The following SGK1 variants were observed in gnomAD, a reference collection of about 807,000 sequenced individuals.
SGK1 encodes the protein serum/glucocorticoid regulated kinase 1, also known as serine/threonine-protein kinase Sgk1.
In SGK1, 26 loss-of-function variants were observed where a neutral mutation model predicts 64.2. The observed-to-expected ratio is 0.40, with a 90% CI of 0.30 to 0.56. The LOEUF is 0.56. Ranked by LOEUF, SGK1 falls within the 20% of genes least tolerant of loss-of-function variation. The pLI is 0.38. For synonymous variants in SGK1, 265 were observed against 239.7 expected (o/e 1.11, Z -0.98); for missense variants, 519 against 645.6 (o/e 0.80, Z 2.12).
intron 1 of SGK1, among the ~76,000 whole-genome samples, chr6:134,305,549 G>A (rs1180968009): frequency 6.7e-6 from 1 of 148,776 alleles, no homozygotes; most frequent in Non-Finnish European, 1.5e-5. Context: ...CCCAAGTCTG[G>A]GTGACAGAGC....
chr6:134,225,941 A>C (rs149115264), intron 2 of SGK1, among the ~76,000 whole-genome samples: 9,895 of 151,596 alleles, frequency 0.065, 383 homozygotes, highest in Non-Finnish European at 0.086. Context: ...AACAAAAAAA[A>C]ACAAAAAAAC....
At chr6:134,311,620 C>T (rs1777609561) in intron 1 of SGK1, among the ~76,000 whole-genome samples, 1 of 152,170 alleles carries the variant, frequency 6.6e-6, no homozygotes, top group Non-Finnish European at 1.5e-5. Context: ...CACTGCACTC[C>T]AGCCTGGGTG....
At chr6:134,198,645 G>A (rs1323858817) in intron 3 of SGK1, among the ~76,000 whole-genome samples, 1 of 149,790 alleles carries the variant, frequency 6.7e-6, no homozygotes, top group South Asian at 2.1e-4. Context: ...TCTACATTTG[G>A]TACATAAACT....
At chr6:134,206,371 ATATATATATATATTTTTTTTTTTTTTT>A (rs1775780187) in intron 3 of SGK1, among the ~76,000 whole-genome samples, 1 of 4,974 alleles carries the variant, frequency 2.0e-4, no homozygotes, top group African/African-American at 4.9e-4. Context: ...ATATATATAT[ATATATATATATATTTTTTTTTTTTTTT>A]TTTTTTTTTA....
chr6:134,178,038 T>C, intron 3 of SGK1: 1 of 550,646 alleles, frequency 1.8e-6, no homozygotes. Context: ...CTGATTATCC[T>C]CACAAATCAG....
intron 2 of SGK1, among the ~76,000 whole-genome samples, chr6:134,254,904 T>C (rs1196578306): frequency 6.6e-6 from 1 of 152,172 alleles, no homozygotes; most frequent in Non-Finnish European, 1.5e-5. Flanking sequence ...GTTTTGCTCT[T>C]GTTGCCCAGG....
rs760123902 is a variant in SGK1 at position 134,173,015 on chromosome 6, CT to C, written c.834+7del. The C allele has an allele frequency of 1.9e-6, 3 of 1,609,580 alleles. No homozygotes were observed. The highest frequency in any genetic ancestry group is 2.2e-5 in the South Asian group (2 of 90,842). ...CACTAAGAGTTGACTTCTATCCCCC[CT>C]GCTCACCTCTCCACCATTAATGTAG... On this transcript the variant is annotated splice_region_variant and intron_variant, in intron 8 of 13. Transcript: ENST00000367858.
At position 134,173,565 on chromosome 6, in the gene SGK1, G is replaced by C. The variant is rs960203849; in HGVS notation, c.515C>G (p.Pro172Arg). Residue 172 changes from proline (P) to arginine (R), a missense_variant and splice_region_variant, in exon 6 of 14, where the codon CCA (proline) becomes CGA (arginine). Physicochemically the swap from Pro to Arg is moderately radical, Grantham distance 103. Transcript: ENST00000367858. ...AAGGTTGATTTGCTGAGAAGGACTT[G>C]GCTAGAAAAAAAAAAAAAGAATTTC... ...ELMNANPSPP[P>R]SPSQQINLGP... is the part of the protein sequence containing the mutation. The C allele has an allele frequency of 4.4e-6, 7 of 1,576,414 alleles. No homozygotes were observed. Among genetic ancestry groups the C allele is most frequent in the African/African-American group, 4.2e-5 (3 of 72,028 alleles).
chr6:134,184,345 A>G (rs991630904), intron 3 of SGK1, among the ~76,000 whole-genome samples: 7 of 151,682 alleles, frequency 4.6e-5, no homozygotes, highest in Non-Finnish European at 1.0e-4. Flanking sequence ...TAAAAAAAAT[A>G]TATACAAAAA....
intron 2 of SGK1, among the ~76,000 whole-genome samples, chr6:134,224,056 T>C (rs1021590678): frequency 1.3e-5 from 2 of 152,214 alleles, no homozygotes; most frequent in Non-Finnish European, 2.9e-5. Context: ...TTTTTTAAGA[T>C]TACATTTGGC....
intron 1 of SGK1, among the ~76,000 whole-genome samples, chr6:134,309,895 T>G (rs1314741099): frequency 6.6e-6 from 1 of 152,154 alleles, no homozygotes; most frequent in Non-Finnish European, 1.5e-5. Context: ...TTAACTAGTA[T>G]GTAAAAAAAA....
chr6:134,188,904 TTTTC>T (rs1359870615), intron 3 of SGK1, among the ~76,000 whole-genome samples: 1 of 128,974 alleles, frequency 7.8e-6, no homozygotes, highest in East Asian at 2.0e-4. Context: ...AGCTATTTCT[TTTTC>T]TTTTTTTTTT....
At chr6:134,299,897 T>C (rs73545109) in intron 1 of SGK1, among the ~76,000 whole-genome samples, 5 of 149,768 alleles carry the variant, frequency 3.3e-5, no homozygotes, top group Non-Finnish European at 7.4e-5. Context: ...AAGGTCCAAA[T>C]ACCTCAATTC....
chr6:134,247,632 G>C, intron 2 of SGK1, among the ~76,000 whole-genome samples: 1 of 152,164 alleles, frequency 6.6e-6, no homozygotes. Context: ...TTCGTGTTTG[G>C]ATATGAATGT....
chr6:134,286,478 ATTTTT>A (rs1267281237), intron 1 of SGK1, among the ~76,000 whole-genome samples: 3 of 128,478 alleles, frequency 2.3e-5, no homozygotes, highest in Non-Finnish European at 1.7e-5. Flanking sequence ...AAAATACAAT[ATTTTT>A]TTTTTTTTTT....
rs1299560354 is a variant in SGK1, at chr6:134,269,943, C to T, written c.70-7795G>A. ...CTCTCTCTCTTTTTTTTTTTTGAGACGGAGTTGTACTTTTGTTGACCAGGC... is the reference window on the plus strand; with the variant it reads ...CTCTCTCTCTTTTTTTTTTTTGAGATGGAGTTGTACTTTTGTTGACCAGGC... On this transcript the variant is annotated intron_variant, in intron 1 of 13. Transcript: ENST00000367858. Among the ~76,000 whole-genome samples the T allele has an allele frequency of 3.4e-5, 5 of 145,082 alleles. 2 individuals carry two copies. The highest frequency in any genetic ancestry group is 7.6e-5 in the Non-Finnish European group (5 of 65,954).
At chr6:134,303,592 G>A (rs936757917) in intron 1 of SGK1, among the ~76,000 whole-genome samples, 7 of 151,976 alleles carry the variant, frequency 4.6e-5, no homozygotes, top group East Asian at 3.9e-4. Flanking sequence ...GTTGGATACA[G>A]TTTGAAAAAT....
At chr6:134,258,188 C>T (rs1343819742) in intron 2 of SGK1, among the ~76,000 whole-genome samples, 1 of 151,936 alleles carries the variant, frequency 6.6e-6, no homozygotes, top group East Asian at 1.9e-4. Context: ...CTGCACCCTC[C>T]TCATTCCTGG....
chr6:134,311,429 G>C (rs185473611), intron 1 of SGK1, among the ~76,000 whole-genome samples: 1 of 152,128 alleles, frequency 6.6e-6, no homozygotes, highest in African/African-American at 2.4e-5. Context: ...GATCACCTGA[G>C]GTCAGGAGTT....
Sources: gnomAD v4.1 joint callset for allele counts (sites outside exome capture counted in the v4.1 genomes callset) on GRCh38, gnomAD v4.1.1 for gene constraint, MANE v1.5 for transcripts, NCBI Gene and HGNC (gene_info 2026-07-23, HGNC 2026-07-21) for gene names.